CSMD1: variants seen among roughly 807,000 people sequenced by gnomAD.
The protein encoded by CSMD1 is CUB and sushi domain-containing protein 1.
A neutral mutation model predicts 417.5 loss-of-function variants in CSMD1; 213 were observed. The ratio of observed to expected loss-of-function variants is 0.51; its 90% CI spans 0.46 to 0.57. The LOEUF is 0.57. CSMD1 is among the 20% of genes least tolerant of loss of function. The probability of loss-of-function intolerance (pLI) is 0.00; values close to 1 mark genes in which losing one functional copy is unlikely to be tolerated. For missense variants in CSMD1, 6,923 were observed against 4,529.7 expected, an observed-to-expected ratio of 1.53 and a Z score of -15.17; for synonymous variants, 2,862 against 1,736.8, an observed-to-expected ratio of 1.65 and a Z score of -16.11.
chr8:4,540,470 G>A (rs958071307), intron 2 of CSMD1, among the ~76,000 whole-genome samples: 1 of 152,186 alleles, frequency 6.6e-6, no homozygotes, highest in Non-Finnish European at 1.5e-5. Context: ...AGGGGAGGCT[G>A]AGGCAGGAGA....
chr8:4,577,913 C>A (rs761783854), intron 2 of CSMD1, among the ~76,000 whole-genome samples: 1 of 152,154 alleles, frequency 6.6e-6, no homozygotes, highest in South Asian at 2.1e-4. Flanking sequence ...TCCTAGGAAA[C>A]AAGCCTTAGT....
intron 1 of CSMD1, among the ~76,000 whole-genome samples, chr8:4,864,590 T>G (rs1563622163): frequency 6.6e-6 from 1 of 151,732 alleles, no homozygotes; most frequent in Non-Finnish European, 1.5e-5. Context: ...ATCTTTATTT[T>G]ATATCATTAT....
chr8:4,947,124 C>T (rs1014061429), intron 1 of CSMD1, among the ~76,000 whole-genome samples: 2 of 152,140 alleles, frequency 1.3e-5, no homozygotes, highest in African/African-American at 4.8e-5. Context: ...TTGTATCCAT[C>T]TGTGCATAAA....
chr8:4,020,732 C>T (rs577581764), intron 4 of CSMD1, among the ~76,000 whole-genome samples: 2 of 152,202 alleles, frequency 1.3e-5, no homozygotes, highest in African/African-American at 4.8e-5. Context: ...CTTCTGTAAT[C>T]TTCATTCATT....
At chr8:4,655,596 G>C (rs1244201463) in intron 1 of CSMD1, among the ~76,000 whole-genome samples, 1 of 152,014 alleles carries the variant, frequency 6.6e-6, no homozygotes, top group South Asian at 2.1e-4. Context: ...AAAAACTTCT[G>C]TGTAAGTAAC....
At chr8:4,566,895 C>CAATGAGAAAAACTCAATTGAGG (rs11267326) in intron 2 of CSMD1, among the ~76,000 whole-genome samples, 6 of 151,426 alleles carry the variant, frequency 4.0e-5, no homozygotes, top group African/African-American at 1.5e-4. Context: ...TGTTTTCCAG[C>CAATGAGAAAAACTCAATTGAGG]AATGAGAAAA....
intron 3 of CSMD1, among the ~76,000 whole-genome samples, chr8:4,282,281 G>C (rs746102228): frequency 6.6e-6 from 1 of 152,116 alleles, no homozygotes; most frequent in African/African-American, 2.4e-5. Context: ...TCATTTTACA[G>C]ATAGAACTGA....
intron 3 of CSMD1, among the ~76,000 whole-genome samples, chr8:4,201,895 G>A (rs534719882): frequency 6.8e-6 from 1 of 147,638 alleles, no homozygotes; most frequent in African/African-American, 2.5e-5. Context: ...TTTGGGGGGG[G>A]GGGGCGCTGC....
intron 11 of CSMD1, among the ~76,000 whole-genome samples, chr8:3,476,603 C>T (rs1324974007): frequency 6.6e-6 from 1 of 152,120 alleles, no homozygotes; most frequent in Non-Finnish European, 1.5e-5. Flanking sequence ...GACATTCTCA[C>T]ACCCCAAAAT....
intron 1 of CSMD1, among the ~76,000 whole-genome samples, chr8:4,733,098 G>A (rs1442455417): frequency 6.6e-6 from 1 of 151,988 alleles, no homozygotes; most frequent in Non-Finnish European, 1.5e-5. Flanking sequence ...TGATATTAAA[G>A]CAAATTAGAA....
intron 47 of CSMD1, among the ~76,000 whole-genome samples, chr8:3,095,954 A>C (rs1357842859): frequency 1.3e-5 from 2 of 152,230 alleles, no homozygotes; most frequent in Non-Finnish European, 2.9e-5. Context: ...ATTTCAAAGA[A>C]TCACACTTGA....
At chr8:4,503,324 A>G (rs546307013) in intron 2 of CSMD1, among the ~76,000 whole-genome samples, 101 of 152,264 alleles carry the variant, frequency 6.6e-4, no homozygotes, top group African/African-American at 2.4e-3. Context: ...TTCAATAACT[A>G]TTGAGTGACT....
intron 3 of CSMD1, among the ~76,000 whole-genome samples, chr8:4,371,987 G>C (rs1212884040): frequency 6.6e-6 from 1 of 152,180 alleles, no homozygotes; most frequent in Admixed American, 6.5e-5. Context: ...GAAATGTTAT[G>C]ACTGAAGACA....
chr8:4,376,432 C>G (rs1468025545), intron 3 of CSMD1, among the ~76,000 whole-genome samples: 1 of 152,074 alleles, frequency 6.6e-6, no homozygotes, highest in African/African-American at 2.4e-5. Flanking sequence ...CTTTACGTTT[C>G]AAAATATTTT....
At chr8:4,846,600 C>T (rs542240353) in intron 1 of CSMD1, among the ~76,000 whole-genome samples, 12 of 152,298 alleles carry the variant, frequency 7.9e-5, no homozygotes, top group African/African-American at 2.6e-4. Flanking sequence ...GGAGGCTCAG[C>T]CTTGGTGACT....
intron 2 of CSMD1, among the ~76,000 whole-genome samples, chr8:4,439,855 G>T (rs891578082): frequency 2.0e-5 from 3 of 152,318 alleles, no homozygotes; most frequent in Admixed American, 6.5e-5. Flanking sequence ...AGCTTCGAAA[G>T]ATAGGATGGT....
chr8:3,857,092 T>C (rs1804364491), intron 5 of CSMD1, among the ~76,000 whole-genome samples: 1 of 152,142 alleles, frequency 6.6e-6, no homozygotes, highest in African/African-American at 2.4e-5. Context: ...TAAAAATGAC[T>C]AAGACACAGC....
At chr8:3,546,136 T>A (rs928635963) in intron 10 of CSMD1, among the ~76,000 whole-genome samples, 4 of 152,174 alleles carry the variant, frequency 2.6e-5, no homozygotes, top group African/African-American at 9.7e-5. Context: ...CATAGGTGTC[T>A]CAACTAAGCA....
chr8:4,798,183 C>T (rs760063132), intron 1 of CSMD1, among the ~76,000 whole-genome samples: 39 of 152,134 alleles, frequency 2.6e-4, no homozygotes, highest in Non-Finnish European at 5.0e-4. Context: ...CAATGACAGG[C>T]CCCGGTGTGT....
Sources: gnomAD v4.1 joint callset for allele counts (sites outside exome capture counted in the v4.1 genomes callset) on GRCh38, gnomAD v4.1.1 for gene constraint, MANE v1.5 for transcripts, NCBI Gene and HGNC (gene_info 2026-07-23, HGNC 2026-07-21) for gene names.